NPFFR2: variants seen among roughly 807,000 people sequenced by gnomAD.
NPFFR2 encodes the protein neuropeptide FF receptor 2.
NPFFR2 carries 15 observed loss-of-function variants against 13.1 expected under a neutral mutation model. That is an observed-to-expected ratio of 1.15 (90% CI 0.77 to 1.76). NPFFR2 has a LOEUF of 1.76. NPFFR2 is among the 40% of genes most tolerant of loss of function. The pLI is 0.00. For synonymous variants in NPFFR2, 190 were observed against 175.7 expected, an observed-to-expected ratio of 1.08 and a Z score of -0.65; for missense variants, 572 against 503.5, an observed-to-expected ratio of 1.14 and a Z score of -1.30.
At position 72,032,182 on chromosome 4, in the gene NPFFR2, A is replaced by G. The variant is rs200424723; in HGVS notation, c.-26A>G. On this transcript the variant is annotated 5_prime_UTR_variant, in exon 1 of 4. Transcript: ENST00000308744. ...TGGTGGATTCTGGTTCCTGCCGCCG[A>G]CAGGGCTCGCCGGGAGAGGTAACAG... is the stretch of plus-strand genomic sequence containing the variant. The G allele has an allele frequency of 1.3e-4, 215 of 1,610,612 alleles. No individual in the cohort carries two copies. Among genetic ancestry groups the G allele is most frequent in the Non-Finnish European group, 1.7e-4 (197 of 1,178,022 alleles).
chr4:72,069,819 TA>T lies in NPFFR2; in HGVS notation c.-8+37622del, dbSNP rs753755758. 2.9e-4 allele frequency among the ~76,000 whole-genome samples: 44 copies of T among 152,272 alleles called. 1 individual carries two copies. The highest frequency in any genetic ancestry group is 2.1e-4 in the Non-Finnish European group (14 of 67,974). On this transcript the variant is annotated intron_variant, in intron 1 of 3. Coordinates refer to ENST00000308744, the MANE Select transcript of NPFFR2 (RefSeq NM_004885.3). ...TGTTCAACCTAGTAATAAGGAAATGTAAATTGTTTTAAAAGTTACAGAATAC... is the reference window on the plus strand; with the variant it reads ...TGTTCAACCTAGTAATAAGGAAATGTAATTGTTTTAAAAGTTACAGAATAC...
intron 1 of NPFFR2, among the ~76,000 whole-genome samples, chr4:72,072,336 G>C (rs550726256): frequency 1.3e-5 from 2 of 151,866 alleles, no homozygotes; most frequent in East Asian, 1.9e-4. Flanking sequence ...AGAAGTCAAT[G>C]TATGAAAAAA....
At chr4:72,146,490 A>C (rs2109851346) in intron 3 of NPFFR2, 1 of 154,814 alleles carries the variant, frequency 6.5e-6, no homozygotes, top group South Asian at 2.0e-4. Context: ...GAGGGATAAA[A>C]GGTTGATTGA....
chr4:72,055,455 T>A (rs1305521921), intron 1 of NPFFR2, among the ~76,000 whole-genome samples: 1 of 151,968 alleles, frequency 6.6e-6, no homozygotes, highest in African/African-American at 2.4e-5. Flanking sequence ...TAGCACATAG[T>A]AGAGCAGATA....
chr4:72,055,890 C>T (rs1025851024), intron 1 of NPFFR2, among the ~76,000 whole-genome samples: 5 of 151,932 alleles, frequency 3.3e-5, no homozygotes, highest in Non-Finnish European at 7.4e-5. Flanking sequence ...CTATTCAATT[C>T]TATGAAAGCT....
intron 1 of NPFFR2, among the ~76,000 whole-genome samples, chr4:72,053,829 G>A (rs1719662581): frequency 6.6e-6 from 1 of 151,790 alleles, no homozygotes; most frequent in Non-Finnish European, 1.5e-5. Context: ...AGAAAGAACA[G>A]ACATCTTTGC....
chr4:72,117,808 G>A (rs931393683), intron 1 of NPFFR2, among the ~76,000 whole-genome samples: 2 of 152,026 alleles, frequency 1.3e-5, no homozygotes, highest in African/African-American at 2.4e-5. Flanking sequence ...AAACAATTTC[G>A]GTACCCAGTC....
intron 1 of NPFFR2, among the ~76,000 whole-genome samples, chr4:72,124,444 T>C (rs888434498): frequency 1.3e-5 from 2 of 152,076 alleles, no homozygotes; most frequent in Non-Finnish European, 2.9e-5. Flanking sequence ...GCCAAGACAA[T>C]TCTAAGCAAA....
chr4:72,114,604 G>A (rs1308715001), intron 1 of NPFFR2, among the ~76,000 whole-genome samples: 1 of 151,836 alleles, frequency 6.6e-6, no homozygotes, highest in Non-Finnish European at 1.5e-5. Context: ...ATATATTTGT[G>A]CTGTAAAAAG....
intron 1 of NPFFR2, among the ~76,000 whole-genome samples, chr4:72,126,183 T>C (rs1722039165): frequency 6.6e-6 from 1 of 152,242 alleles, no homozygotes; most frequent in Non-Finnish European, 1.5e-5. Flanking sequence ...CTTGGATCAT[T>C]TAACTACGGT....
chr4:72,051,360 A>G (rs981020428), intron 1 of NPFFR2, among the ~76,000 whole-genome samples: 17 of 152,168 alleles, frequency 1.1e-4, no homozygotes, highest in Non-Finnish European at 2.1e-4. Flanking sequence ...CAGCTCAACT[A>G]CATGGAAACT....
intron 1 of NPFFR2, among the ~76,000 whole-genome samples, chr4:72,047,323 G>A (rs945416409): frequency 3.9e-5 from 6 of 152,118 alleles, no homozygotes; most frequent in Admixed American, 6.6e-5. Context: ...TTATCACTGA[G>A]GTTGCCCCTT....
intron 1 of NPFFR2, among the ~76,000 whole-genome samples, chr4:72,081,981 A>G (rs1392504647): frequency 1.3e-5 from 2 of 152,166 alleles, no homozygotes; most frequent in Non-Finnish European, 2.9e-5. Flanking sequence ...GGCAAGACAC[A>G]GGGATATTCT....
intron 1 of NPFFR2, among the ~76,000 whole-genome samples, chr4:72,128,321 G>A (rs1209007153): frequency 6.6e-6 from 1 of 152,070 alleles, no homozygotes; most frequent in East Asian, 1.9e-4. Flanking sequence ...CAAAAGAAGT[G>A]AAATATAGAG....
chr4:72,122,842 A>C (rs1326182020), intron 1 of NPFFR2, among the ~76,000 whole-genome samples: 1 of 152,210 alleles, frequency 6.6e-6, no homozygotes, highest in Non-Finnish European at 1.5e-5. Context: ...AATTAAAAGA[A>C]CTAGAGAAGC....
chr4:72,127,696 A>G (rs1287557284), intron 1 of NPFFR2, among the ~76,000 whole-genome samples: 3 of 151,994 alleles, frequency 2.0e-5, no homozygotes, highest in Non-Finnish European at 4.4e-5. Flanking sequence ...TAAGAACAGA[A>G]TTATGCTAAG....
intron 1 of NPFFR2, among the ~76,000 whole-genome samples, chr4:72,062,936 T>G (rs1453918103): frequency 1.7e-5 from 1 of 59,262 alleles, no homozygotes; most frequent in African/African-American, 4.4e-5. Context: ...TCTAGGAGAC[T>G]TTTGAGAAAA....
chr4:72,076,161 T>A (rs1373735861), intron 1 of NPFFR2, among the ~76,000 whole-genome samples: 1 of 132,146 alleles, frequency 7.6e-6, no homozygotes, highest in Admixed American at 8.4e-5. Flanking sequence ...AGAAAAATAA[T>A]TGATGCTATG....
intron 1 of NPFFR2, among the ~76,000 whole-genome samples, chr4:72,073,773 T>A (rs942356641): frequency 6.6e-6 from 1 of 152,006 alleles, no homozygotes; most frequent in Non-Finnish European, 1.5e-5. Flanking sequence ...GGTGCAGAAT[T>A]TTTATGTTAT....
Sources: gnomAD v4.1 joint callset for allele counts (sites outside exome capture counted in the v4.1 genomes callset) on GRCh38, gnomAD v4.1.1 for gene constraint, MANE v1.5 for transcripts, NCBI Gene and HGNC (gene_info 2026-07-23, HGNC 2026-07-21) for gene names.